SLC9A9: variants seen among roughly 807,000 people sequenced by gnomAD.
SLC9A9 encodes the protein sodium/hydrogen exchanger 9.
Under a neutral mutation model 77.8 loss-of-function variants are expected in SLC9A9, and 62 were observed. That is an observed-to-expected ratio of 0.80 (90% CI 0.65 to 0.98). The LOEUF (loss-of-function observed/expected upper bound fraction) is 0.98, where lower values mean the gene tolerates loss of function less well. SLC9A9 is among the 50% of genes least tolerant of loss of function. SLC9A9 has a pLI of 0.00. For missense variants in SLC9A9, 775 were observed against 774.9 expected, an observed-to-expected ratio of 1.00 and a Z score of 0.00; for synonymous variants, 320 against 283.5, an observed-to-expected ratio of 1.13 and a Z score of -1.29.
intron 6 of SLC9A9, among the ~76,000 whole-genome samples, chr3:143,591,421 G>A (rs1392679861): frequency 6.6e-6 from 1 of 152,220 alleles, no homozygotes; most frequent in African/African-American, 2.4e-5. Flanking sequence ...ATCAAAGGAA[G>A]TTTTGCTTCT....
intron 9 of SLC9A9, among the ~76,000 whole-genome samples, chr3:143,534,300 A>C (rs989620055): frequency 1.3e-5 from 2 of 152,240 alleles, no homozygotes; most frequent in Admixed American, 6.5e-5. Context: ...CAAAGCTACA[A>C]ATCAAATCAA....
intron 2 of SLC9A9, among the ~76,000 whole-genome samples, chr3:143,819,485 G>T (rs936977261): frequency 1.3e-5 from 2 of 152,198 alleles, no homozygotes; most frequent in African/African-American, 4.8e-5. Context: ...TTGTAGTTCT[G>T]TTGTAAATCA....
intron 12 of SLC9A9, among the ~76,000 whole-genome samples, chr3:143,430,728 A>C (rs1182657841): frequency 6.6e-6 from 1 of 152,208 alleles, no homozygotes; most frequent in Non-Finnish European, 1.5e-5. Flanking sequence ...TAGCTGACAT[A>C]CACCATATCC....
At chr3:143,815,244 T>A (rs958864589) in intron 2 of SLC9A9, among the ~76,000 whole-genome samples, 1 of 152,174 alleles carries the variant, frequency 6.6e-6, no homozygotes, top group African/African-American at 2.4e-5. Context: ...ATGGTTTTCA[T>A]AGTAAAAAAA....
intron 5 of SLC9A9, among the ~76,000 whole-genome samples, chr3:143,689,627 C>G (rs1933391786): frequency 6.6e-6 from 1 of 152,010 alleles, no homozygotes; most frequent in Non-Finnish European, 1.5e-5. Flanking sequence ...CCAGGCTGGT[C>G]TTGAACTTCT....
intron 13 of SLC9A9, among the ~76,000 whole-genome samples, chr3:143,369,831 T>C (rs1349500170): frequency 1.3e-5 from 2 of 152,196 alleles, no homozygotes; most frequent in Admixed American, 1.3e-4. Context: ...CTGTCTCTCT[T>C]GGACCATGTG....
rs372755728 is a variant in SLC9A9, at chr3:143,336,937, A to G, written c.1604+26547T>C. On this transcript the variant is annotated intron_variant, in intron 14 of 15. Transcript: ENST00000316549. ...AATTTTTTAAAATACAGAAAATCTT[A>G]AAGTATTAGCTTCAGTTATCTGGAA... Among the ~76,000 whole-genome samples, 7 of 152,290 alleles carry G rather than the reference A, an allele frequency of 4.6e-5. No individual in the cohort carries two copies. The East Asian group carries it at 7.7e-4, about 17-fold the overall frequency.
intron 5 of SLC9A9, among the ~76,000 whole-genome samples, chr3:143,676,975 T>C (rs1315434853): frequency 6.6e-6 from 1 of 152,156 alleles, no homozygotes; most frequent in Non-Finnish European, 1.5e-5. Flanking sequence ...CCCTAGACCA[T>C]CAGACAGCTT....
At chr3:143,279,819 C>G (rs540556294) in intron 14 of SLC9A9, among the ~76,000 whole-genome samples, 2 of 152,146 alleles carry the variant, frequency 1.3e-5, no homozygotes, top group African/African-American at 4.8e-5. Context: ...CTTAGAGCAG[C>G]CTTTGTTTTT....
rs1441252578 is a variant in SLC9A9, at chr3:143,502,650, TAGCTTTTATGAGGCTCGACAC to T, written c.1090-7223_1090-7203del. On this transcript the variant is annotated intron_variant, in intron 9 of 15. Coordinates refer to ENST00000316549, the MANE Select transcript of SLC9A9 (RefSeq NM_173653.4). The stretch of plus-strand genomic sequence containing the variant: ...TTAAATTCACATGAATTCCTCAACA[TAGCTTTTATGAGGCTCGACAC>T]AGCTTTTATGAGGCTCGACACAACC... 7.2e-5 allele frequency among the ~76,000 whole-genome samples: 11 copies of T among 152,254 alleles called. No homozygotes were observed. The East Asian group carries it at 1.5e-3, about 21-fold the overall frequency.
intron 5 of SLC9A9, among the ~76,000 whole-genome samples, chr3:143,669,080 C>T (rs2039119894): frequency 6.6e-6 from 1 of 152,176 alleles, no homozygotes; most frequent in Non-Finnish European, 1.5e-5. Flanking sequence ...TGTACAACTG[C>T]TGATCCTGCA....
chr3:143,315,144 C>G (rs915609337), intron 14 of SLC9A9, among the ~76,000 whole-genome samples: 2 of 152,154 alleles, frequency 1.3e-5, no homozygotes, highest in Non-Finnish European at 2.9e-5. Flanking sequence ...GGAAGTAAAC[C>G]AAACAAAGAA....
intron 4 of SLC9A9, among the ~76,000 whole-genome samples, chr3:143,771,248 G>T (rs1279556755): frequency 2.0e-5 from 3 of 152,184 alleles, no homozygotes; most frequent in African/African-American, 7.2e-5. Flanking sequence ...GGGACCATCT[G>T]CAGGGAACAG....
intron 11 of SLC9A9, among the ~76,000 whole-genome samples, chr3:143,471,665 T>C (rs907487178): frequency 1.5e-4 from 23 of 152,352 alleles, no homozygotes; most frequent in African/African-American, 5.3e-4. Flanking sequence ...TCTTTTTCTT[T>C]TTGTTTTGGC....
intron 12 of SLC9A9, among the ~76,000 whole-genome samples, chr3:143,460,339 T>C (rs1011127812): frequency 1.3e-5 from 2 of 152,060 alleles, no homozygotes; most frequent in African/African-American, 4.8e-5. Flanking sequence ...GTGGGTGGAG[T>C]AAGTGTGCTT....
rs576507577 is a variant in SLC9A9, at chr3:143,820,813, A to C, written c.378+11206T>G. On this transcript the variant is annotated intron_variant, in intron 2 of 15. Coordinates refer to ENST00000316549, the MANE Select transcript of SLC9A9 (RefSeq NM_173653.4). ...TTTTTCCAATCTAGAATAGATCTTA[A>C]TATTGGCTATTTTTTTTATTACAGG... 5.1e-3 allele frequency among the ~76,000 whole-genome samples: 554 copies of C among 109,520 alleles called. 1 individual carries two copies. Among genetic ancestry groups the C allele is most frequent in the Non-Finnish European group, 0.01 (440 of 43,974 alleles). The allele number at this position is 109,520 out of a possible 152,430, so 71.8% of individuals were successfully genotyped here.
In SLC9A9 at chr3:143,804,219, C is replaced by G. The variant is rs1315556524; in HGVS notation, c.379-7316G>C. Among the ~76,000 whole-genome samples, 48 of 152,180 alleles carry G rather than the reference C, an allele frequency of 3.2e-4. 1 individual carries two copies. Among genetic ancestry groups the G allele is most frequent in the Admixed American group, 3.1e-3 (48 of 15,268 alleles). On this transcript the variant is annotated intron_variant, in intron 2 of 15. Transcript: ENST00000316549. ...CAGATAAGCCCTCTATCAATACTGA[C>G]AAACTTAAAAACATTAGCAGTAATT...
chr3:143,617,396 C>T (rs931973058), intron 6 of SLC9A9, among the ~76,000 whole-genome samples: 3 of 152,194 alleles, frequency 2.0e-5, no homozygotes, highest in African/African-American at 7.2e-5. Flanking sequence ...ACCATCTAGC[C>T]ATTTACACGA....
At chr3:143,771,385 T>C (rs568643733) in intron 4 of SLC9A9, among the ~76,000 whole-genome samples, 2 of 152,326 alleles carry the variant, frequency 1.3e-5, no homozygotes, top group South Asian at 4.1e-4. Context: ...CAACTGTGTA[T>C]AGTGTATGAT....
Sources: allele counts gnomAD v4.1 joint callset (sites outside exome capture counted in the v4.1 genomes callset), GRCh38; gene constraint gnomAD v4.1.1; transcripts MANE v1.5; gene names NCBI Gene and HGNC (gene_info 2026-07-23, HGNC 2026-07-21).